Variants in SNX1 observed in about 807,000 individuals in gnomAD.
The protein encoded by SNX1 is sorting nexin 1.
SNX1 carries 36 observed loss-of-function variants against 71.8 expected under a neutral mutation model. The observed-to-expected ratio is 0.50, with a 90% CI of 0.38 to 0.66. The LOEUF (loss-of-function observed/expected upper bound fraction) is 0.66, where lower values mean the gene tolerates loss of function less well. Ranked by LOEUF, SNX1 falls within the 30% of genes least tolerant of loss-of-function variation. The pLI is 0.00. For missense variants in SNX1, 612 were observed against 646.7 expected (o/e 0.95, Z 0.58); for synonymous variants, 254 against 240.7 (o/e 1.06, Z -0.51).
Position 64,142,686 on chromosome 15 carries a change from G to A in SNX1, c.*5068G>A, listed in dbSNP as rs1219941307. On this transcript the variant is annotated 3_prime_UTR_variant, in exon 15 of 15. Coordinates refer to ENST00000559844, the MANE Select transcript of SNX1 (RefSeq NM_003099.5). ...TTTTTAGATAAAAGGTATGGAACCTGCTTTCCCCTTGGCTAGTTCAGCGTT... is the reference window on the plus strand; with the variant it reads ...TTTTTAGATAAAAGGTATGGAACCTACTTTCCCCTTGGCTAGTTCAGCGTT... 2.2e-6 allele frequency: 1 copy of A among 456,062 alleles called. No homozygotes were observed. The allele number at this position is 456,062 out of a possible 1,614,324, so 28.3% of individuals were successfully genotyped here.
chr15:64,110,750 T>C (rs546214820), intron 1 of SNX1, among the ~76,000 whole-genome samples: 1 of 152,222 alleles, frequency 6.6e-6, no homozygotes, highest in East Asian at 1.9e-4. Context: ...GAGGTATGAG[T>C]ACTCTAGTTT....
rs781153355 is a variant in SNX1, at chr15:64,136,952, C to A, written c.1518+20C>A. On this transcript the variant is annotated intron_variant, in intron 14 of 14. Coordinates refer to ENST00000559844, the MANE Select transcript of SNX1 (RefSeq NM_003099.5). ...CAGCAGGTATGTAAGTTGTGTGTGA[C>A]CTTCATCCTCTACTGCCTGCTCCAA... The A allele has an allele frequency of 6.2e-7, 1 of 1,604,196 alleles. No individual in the cohort carries two copies. Among genetic ancestry groups the A allele is most frequent in the Non-Finnish European group, 8.5e-7 (1 of 1,171,398 alleles).
intron 1 of SNX1, among the ~76,000 whole-genome samples, chr15:64,111,192 G>A (rs1332098224): frequency 6.6e-6 from 1 of 152,192 alleles, no homozygotes; most frequent in Non-Finnish European, 1.5e-5. Context: ...GGTGATGTGT[G>A]AAGCAAAAGG....
In SNX1 at chr15:64,138,250, C is replaced by T; in HGVS notation, c.*632C>T. The T allele has an allele frequency of 6.9e-7, 1 of 1,440,890 alleles. No individual in the cohort carries two copies. 89.3% of individuals were successfully genotyped at this position (1,440,890 alleles called of 1,614,324 possible). A position where few individuals can be genotyped will look rare whatever the true frequency, so the allele number is the denominator to read the frequency against. ...TTCTTTAGGGAAGGAGTTTTAAAAA[C>T]ATCTCTTAAAATAAGAGGAGCAAAA... On this transcript the variant is annotated 3_prime_UTR_variant, in exon 15 of 15. Transcript: ENST00000559844.
chr15:64,125,890 T>C (rs536182773), intron 5 of SNX1, among the ~76,000 whole-genome samples, 189 bp from the exon 6 acceptor site: 1 of 152,308 alleles, frequency 6.6e-6, no homozygotes, highest in Admixed American at 6.5e-5. Context: ...CTCCTTAGGC[T>C]CCCAGACTGC....
Position 64,138,327 on chromosome 15 carries a change from T to A in SNX1, c.*709T>A, listed in dbSNP as rs58621982. 2.5e-6 allele frequency: 1 copy of A among 397,272 alleles called. No individual in the cohort carries two copies. The allele number at this position is 397,272 out of a possible 1,614,324, so 24.6% of individuals were successfully genotyped here. On this transcript the variant is annotated 3_prime_UTR_variant, in exon 15 of 15. Transcript: ENST00000559844. Reference sequence around the variant, plus strand: ...GGAGGCAGAGACTTTCTCTCTCTCTTTTTTTTTTTTTTTTGGTGTCCCTAT... The same window carrying A: ...GGAGGCAGAGACTTTCTCTCTCTCTATTTTTTTTTTTTTTGGTGTCCCTAT...
intron 1 of SNX1, among the ~76,000 whole-genome samples, chr15:64,108,512 C>T (rs1174062966): frequency 6.6e-6 from 1 of 152,072 alleles, no homozygotes; most frequent in African/African-American, 2.4e-5. Context: ...TATACGATAC[C>T]ATGAACGTGA....
At chr15:64,104,304 G>A (rs556184876) in intron 1 of SNX1, among the ~76,000 whole-genome samples, 1 of 131,820 alleles carries the variant, frequency 7.6e-6, no homozygotes, top group Non-Finnish European at 1.5e-5. Flanking sequence ...ACGGAGTCTC[G>A]CTGTGTCGCC....
At position 64,104,359 on chromosome 15, in the gene SNX1, G is replaced by A. The variant is rs565819240; in HGVS notation, c.159+8187G>A. 3.5e-5 allele frequency among the ~76,000 whole-genome samples: 5 copies of A among 143,674 alleles called. No homozygotes were observed. The South Asian group carries it at 8.7e-4, about 25-fold the overall frequency. The allele number at this position is 143,674 out of a possible 152,430, so 94.3% of individuals were successfully genotyped here. On this transcript the variant is annotated intron_variant, in intron 1 of 14. Transcript: ENST00000559844. ...GCGATTTTGGCTCACTGCAAGCTCT[G>A]CCTCCCGGGTTCATGCCATTCTCCT...
In SNX1 at chr15:64,138,418, C is replaced by G. The variant is rs572288401; in HGVS notation, c.*800C>G. ...CTAAGCTGCTCAGGGTTCTCTGAGT[C>G]TTGCCCTCTGATGGCAAGTCTTATA... On this transcript the variant is annotated 3_prime_UTR_variant, in exon 15 of 15. Transcript: ENST00000559844. 3 of 491,748 alleles carry G rather than the reference C, an allele frequency of 6.1e-6. No individual in the cohort carries two copies. Among genetic ancestry groups the G allele is most frequent in the Non-Finnish European group, 1.1e-5 (3 of 284,568 alleles). 30.5% of individuals were successfully genotyped at this position (491,748 alleles called of 1,614,324 possible). A position where few individuals can be genotyped will look rare whatever the true frequency, so the allele number is the denominator to read the frequency against.
intron 6 of SNX1, 89 bp downstream of exon 6, chr15:64,126,309 C>G: frequency 1.5e-6 from 2 of 1,308,778 alleles, no homozygotes; most frequent in Non-Finnish European, 2.1e-6. Context: ...GAGACTACTT[C>G]TATTAACAGT....
chr15:64,136,259 C>G, intron 12 of SNX1, 71 bp from the exon 13 acceptor site: 1 of 1,216,168 alleles, frequency 8.2e-7, no homozygotes, highest in East Asian at 2.3e-5. Flanking sequence ...TGTAAAATCG[C>G]TGTCCAAATG....
At chr15:64,133,336 G>C (rs2081326151) in intron 11 of SNX1, among the ~76,000 whole-genome samples, 1 of 152,234 alleles carries the variant, frequency 6.6e-6, no homozygotes, top group Non-Finnish European at 1.5e-5. Context: ...GATGCTGCAG[G>C]GTAGCAGCAG....
chr15:64,136,971 G>A, intron 14 of SNX1, 39 bp downstream of exon 14: 1 of 1,539,466 alleles, frequency 6.5e-7, no homozygotes. Flanking sequence ...TCTACTGCCT[G>A]CTCCAAAGGC....
At chr15:64,127,648 T>C in intron 7 of SNX1, 83 bp from the exon 8 acceptor site, 2 of 944,104 alleles carry the variant, frequency 2.1e-6, no homozygotes, top group South Asian at 2.8e-5. Flanking sequence ...ACAGAAGACA[T>C]GGTATCACTG....
At chr15:64,135,389 C>T (rs1186590074) in intron 12 of SNX1, among the ~76,000 whole-genome samples, 4 of 149,946 alleles carry the variant, frequency 2.7e-5, no homozygotes, top group African/African-American at 9.8e-5. Context: ...CGTGAGCCAC[C>T]GCGCCCGGCC....
chr15:64,137,481 C>G, intron 14 of SNX1, 87 bp from the exon 15 acceptor site: 1 of 1,495,084 alleles, frequency 6.7e-7, no homozygotes, highest in Non-Finnish European at 9.2e-7. Flanking sequence ...TGGGGAGCGC[C>G]AGGGTACTGT....
chr15:64,112,660 C>G lies in SNX1; in HGVS notation c.247C>G (p.Gln83Glu). ...KENGIHEEQDQEPQDLFADAT... is the reference protein window; with the variant it reads ...KENGIHEEQDEEPQDLFADAT... Reference sequence around the variant, plus strand: ...AAATGGGATCCATGAAGAACAAGACCAAGAGCCACAGGATCTCTTTGCAGG... The same window carrying G: ...AAATGGGATCCATGAAGAACAAGACGAAGAGCCACAGGATCTCTTTGCAGG... Residue 83 changes from glutamine (Q) to glutamate (E), a missense_variant, in exon 2 of 15, where the codon CAA (glutamine) becomes GAA (glutamate). Coordinates refer to ENST00000559844, the MANE Select transcript of SNX1 (RefSeq NM_003099.5). 6.2e-7 allele frequency: 1 copy of G among 1,611,222 alleles called. No homozygotes were observed. The highest frequency in any genetic ancestry group is 1.3e-5 in the African/African-American group (1 of 74,624).
Position 64,138,736 on chromosome 15 carries a change from A to C in SNX1, c.*1118A>C, listed in dbSNP as rs1158605018. 14 of 152,878 alleles carry C rather than the reference A, an allele frequency of 9.2e-5. No homozygotes were observed. Among genetic ancestry groups the C allele is most frequent in the Admixed American group, 5.9e-4 (9 of 15,356 alleles). 9.5% of individuals were successfully genotyped at this position (152,878 alleles called of 1,614,324 possible). A position where few individuals can be genotyped will look rare whatever the true frequency, so the allele number is the denominator to read the frequency against. On this transcript the variant is annotated 3_prime_UTR_variant, in exon 15 of 15. Coordinates refer to ENST00000559844, the MANE Select transcript of SNX1 (RefSeq NM_003099.5). ...AGCCAGGGGAGGCCAGAGTCTCGTC[A>C]GTCAAGGATGGGCTTCCCCCTTAGC...
Sources: gnomAD v4.1 joint callset for allele counts (sites outside exome capture counted in the v4.1 genomes callset) on GRCh38, gnomAD v4.1.1 for gene constraint, MANE v1.5 for transcripts, NCBI Gene and HGNC (gene_info 2026-07-23, HGNC 2026-07-21) for gene names.